FHIT: variants seen among roughly 807,000 people sequenced by gnomAD.
FHIT encodes bis(5'-adenosyl)-triphosphatase.
A neutral mutation model predicts 17.9 loss-of-function variants in FHIT; 19 were observed. That is an observed-to-expected ratio of 1.06 (90% CI 0.74 to 1.56). The LOEUF (loss-of-function observed/expected upper bound fraction) is 1.56. FHIT is among the 40% of genes most tolerant of loss of function. The probability of loss-of-function intolerance (pLI) is 0.00; values close to 1 mark genes in which losing one functional copy is unlikely to be tolerated. For synonymous variants in FHIT, 81 were observed against 69.7 expected, an observed-to-expected ratio of 1.16 and a Z score of -0.81; for missense variants, 248 against 189.2, an observed-to-expected ratio of 1.31 and a Z score of -1.82.
At chr3:60,181,006 C>A (rs1259175839) in intron 5 of FHIT, among the ~76,000 whole-genome samples, 3 of 152,044 alleles carry the variant, frequency 2.0e-5, no homozygotes, top group Non-Finnish European at 4.4e-5. Context: ...AAATTACAGT[C>A]TCTTTAAAGT....
chr3:60,021,772 C>A (rs988875999), intron 5 of FHIT, among the ~76,000 whole-genome samples: 3 of 152,116 alleles, frequency 2.0e-5, no homozygotes, highest in Non-Finnish European at 4.4e-5. Context: ...TTACAATGTC[C>A]ATGCTGTTTC....
chr3:61,003,492 T>C (rs981776049), intron 3 of FHIT, among the ~76,000 whole-genome samples: 3 of 152,248 alleles, frequency 2.0e-5, no homozygotes, highest in Admixed American at 1.3e-4. Context: ...ATGATTCTAA[T>C]ATTCACTTAT....
chr3:59,846,901 G>T (rs1701741927), intron 8 of FHIT, among the ~76,000 whole-genome samples: 1 of 151,942 alleles, frequency 6.6e-6, no homozygotes, highest in Non-Finnish European at 1.5e-5. Context: ...TTGAATATCT[G>T]AGCCTTCTGG....
intron 5 of FHIT, among the ~76,000 whole-genome samples, chr3:60,451,706 T>G (rs2107371395): frequency 6.6e-6 from 1 of 152,276 alleles, no homozygotes; most frequent in Non-Finnish European, 1.5e-5. Flanking sequence ...TTCAACTTTT[T>G]TAGAAAAAAC....
rs140208441 is a variant in FHIT at position 60,971,400 on chromosome 3, T to C, written c.-111+70647A>G. On this transcript the variant is annotated intron_variant, in intron 3 of 9. Coordinates refer to ENST00000492590, the MANE Select transcript of FHIT (RefSeq NM_002012.4). The stretch of plus-strand genomic sequence containing the variant: ...CTCTGGAAATACTCAAATTTCCAAA[T>C]GTCTCAAATGTGATAACCATTTTTA... 1.9e-3 allele frequency among the ~76,000 whole-genome samples: 284 copies of C among 152,316 alleles called. 1 individual carries two copies. Among genetic ancestry groups the C allele is most frequent in the African/African-American group, 6.6e-3 (273 of 41,576 alleles).
chr3:61,211,758 A>G (rs1473712107), intron 1 of FHIT, among the ~76,000 whole-genome samples: 1 of 152,218 alleles, frequency 6.6e-6, no homozygotes, highest in Non-Finnish European at 1.5e-5. Flanking sequence ...GGCACCCCCA[A>G]GTAGGGGCTG....
At chr3:60,743,104 T>C (rs2042271906) in intron 4 of FHIT, among the ~76,000 whole-genome samples, 1 of 152,182 alleles carries the variant, frequency 6.6e-6, no homozygotes, top group Non-Finnish European at 1.5e-5. Context: ...TTGCAAACCC[T>C]GGCTTCGGAC....
chr3:60,396,191 T>G (rs1047983638), intron 5 of FHIT, among the ~76,000 whole-genome samples: 3 of 152,158 alleles, frequency 2.0e-5, no homozygotes, highest in Admixed American at 6.6e-5. Flanking sequence ...CTCCTAGAAT[T>G]TGAAACTTCC....
intron 3 of FHIT, among the ~76,000 whole-genome samples, chr3:60,846,922 C>G (rs570829425): frequency 6.6e-6 from 1 of 152,030 alleles, no homozygotes; most frequent in Non-Finnish European, 1.5e-5. Flanking sequence ...CTCCCAGGTT[C>G]AAGCAATTCT....
rs184763090 is a variant in FHIT, at chr3:60,497,903, A to C, written c.103+38957T>G. Among the ~76,000 whole-genome samples, 29 of 152,262 alleles carry C rather than the reference A, an allele frequency of 1.9e-4. No homozygotes were observed. In the East Asian group the frequency reaches 3.3e-3, roughly 17 times the overall value. Reference sequence around the variant, plus strand: ...ACAACTTTGAGATCAACCAGTGCATAATTTTATTTTTTCCTTTAGTTCCTT... The same window carrying C: ...ACAACTTTGAGATCAACCAGTGCATCATTTTATTTTTTCCTTTAGTTCCTT... On this transcript the variant is annotated intron_variant, in intron 5 of 9. Coordinates refer to ENST00000492590, the MANE Select transcript of FHIT (RefSeq NM_002012.4).
At chr3:60,842,598 AGT>A in intron 3 of FHIT, among the ~76,000 whole-genome samples, 1 of 134,144 alleles carries the variant, frequency 7.5e-6, no homozygotes, top group Admixed American at 7.7e-5. Context: ...AAATTAAATG[AGT>A]GTATATATAT....
intron 3 of FHIT, among the ~76,000 whole-genome samples, chr3:61,029,405 G>A (rs1465117982): frequency 6.6e-6 from 1 of 152,192 alleles, no homozygotes. Context: ...GATGAACAAT[G>A]TGATTATAAC....
At chr3:60,163,701 A>G (rs1701036414) in intron 5 of FHIT, among the ~76,000 whole-genome samples, 1 of 152,112 alleles carries the variant, frequency 6.6e-6, no homozygotes, top group African/African-American at 2.4e-5. Context: ...GGGCCGGGTG[A>G]TTCTTTGTTG....
chr3:60,413,337 G>C (rs1392194719), intron 5 of FHIT, among the ~76,000 whole-genome samples: 1 of 152,152 alleles, frequency 6.6e-6, no homozygotes, highest in Non-Finnish European at 1.5e-5. Flanking sequence ...GGGTGAGTAA[G>C]AGGGAGAGAG....
intron 5 of FHIT, among the ~76,000 whole-genome samples, chr3:60,357,818 A>T (rs1312898343): frequency 6.7e-6 from 1 of 148,792 alleles, no homozygotes; most frequent in Non-Finnish European, 1.5e-5. Flanking sequence ...TCACATGGCC[A>T]TCATAGTCTT....
At chr3:61,240,706 C>A (rs1006952059) in intron 1 of FHIT, among the ~76,000 whole-genome samples, 1 of 152,180 alleles carries the variant, frequency 6.6e-6, no homozygotes, top group African/African-American at 2.4e-5. Flanking sequence ...AGGTACCTTG[C>A]CTTCTAATGG....
intron 2 of FHIT, among the ~76,000 whole-genome samples, chr3:61,130,682 A>C (rs941131223): frequency 5.3e-5 from 8 of 152,342 alleles, no homozygotes; most frequent in East Asian, 1.9e-4. Context: ...CACTCAATAC[A>C]CAAGAGCTAA....
intron 5 of FHIT, among the ~76,000 whole-genome samples, chr3:60,027,605 C>T (rs547474027): frequency 2.0e-5 from 3 of 151,902 alleles, no homozygotes; most frequent in East Asian, 1.9e-4. Flanking sequence ...TCGAATACTA[C>T]GCCATAGAGT....
At position 60,258,650 on chromosome 3, in the gene FHIT, A is replaced by T. The variant is rs192736123; in HGVS notation, c.104-244498T>A. Among the ~76,000 whole-genome samples, 62 of 152,276 alleles carry T rather than the reference A, an allele frequency of 4.1e-4. 2 individuals are homozygous for T. The South Asian group carries it at 0.01, about 25-fold the overall frequency. On this transcript the variant is annotated intron_variant, in intron 5 of 9. Transcript: ENST00000492590. ...ACCTATAACAAAAGGTAGATCAACAAGGAAAAAGCATATAAATCTATTGAA... is the reference window on the plus strand; with the variant it reads ...ACCTATAACAAAAGGTAGATCAACATGGAAAAAGCATATAAATCTATTGAA...
Sources: gnomAD v4.1 joint callset for allele counts (sites outside exome capture counted in the v4.1 genomes callset) on GRCh38, gnomAD v4.1.1 for gene constraint, MANE v1.5 for transcripts, NCBI Gene and HGNC (gene_info 2026-07-23, HGNC 2026-07-21) for gene names.